Variants in SP140 observed in about 807,000 individuals in gnomAD.
SP140 encodes the protein SP140 nuclear body protein.
SP140 carries 81 observed loss-of-function variants against 125.0 expected under a neutral mutation model. That is an observed-to-expected ratio of 0.65 (90% CI 0.54 to 0.78). The LOEUF (loss-of-function observed/expected upper bound fraction) is 0.78. SP140 is among the 30% of genes least tolerant of loss of function. The pLI, the probability that SP140 is intolerant of heterozygous loss-of-function variation, is 0.00. For synonymous variants in SP140, 312 were observed against 354.0 expected (o/e 0.88, Z 1.33); for missense variants, 858 against 1,037.0 (o/e 0.83, Z 2.37).
At chr2:230,224,470 G>T (rs369755319), upstream of SP140, among the ~76,000 whole-genome samples, 1 of 141,946 alleles carries the variant, frequency 7.0e-6, no homozygotes, top group South Asian at 2.1e-4. Context: ...GGAGGGAGAG[G>T]GAGGGAGAGA....
At chr2:230,268,266 A>G (rs937531769) in intron 12 of SP140, among the ~76,000 whole-genome samples, 3 of 152,106 alleles carry the variant, frequency 2.0e-5, no homozygotes, top group African/African-American at 7.2e-5. Context: ...GCTCATGCCT[A>G]TAATCCCAGC....
chr2:230,259,911 A>C (rs1253069039), intron 12 of SP140, among the ~76,000 whole-genome samples: 4 of 151,892 alleles, frequency 2.6e-5, no homozygotes, highest in African/African-American at 9.7e-5. Context: ...ATGCATGTGC[A>C]AGTATCTTTT....
At chr2:230,218,747 A>G (rs1352905085) in intron 3 of SP140, among the ~76,000 whole-genome samples, 1 of 152,236 alleles carries the variant, frequency 6.6e-6, no homozygotes, top group Non-Finnish European at 1.5e-5. Flanking sequence ...TTTCTATGCA[A>G]GATACTACAT....
At chr2:230,288,656 T>A (rs1457658259) in intron 18 of SP140, among the ~76,000 whole-genome samples, 1 of 152,090 alleles carries the variant, frequency 6.6e-6, no homozygotes, top group African/African-American at 2.4e-5. Flanking sequence ...GTGTGTGATG[T>A]TCTGTCCCTG....
intron 1 of SP140, among the ~76,000 whole-genome samples, chr2:230,206,000 G>C (rs977939239): frequency 6.6e-6 from 1 of 152,140 alleles, no homozygotes; most frequent in Non-Finnish European, 1.5e-5. Flanking sequence ...GAATGGGGGA[G>C]AAAGCAGCTT....
chr2:230,202,608 G>A (rs752428563), upstream of SP140: 3 of 1,614,050 alleles, frequency 1.9e-6, no homozygotes, highest in Middle Eastern at 1.6e-4. Context: ...GGCACATTCA[G>A]TTCTCGCCTT....
At chr2:230,186,282 A>G in the SP140 span, 1 of 787,752 alleles carries the variant, frequency 1.3e-6, no homozygotes, top group African/African-American at 1.8e-5. Context: ...CAGACTCATA[A>G]TACTTCCTTC....
At chr2:230,261,863 T>A (rs1361154592) in intron 12 of SP140, among the ~76,000 whole-genome samples, 1 of 152,240 alleles carries the variant, frequency 6.6e-6, no homozygotes, top group Non-Finnish European at 1.5e-5. Context: ...GCAAGTATTT[T>A]GTTAAGGATT....
chr2:230,233,667 C>T (rs1461972120), intron 1 of SP140, among the ~76,000 whole-genome samples: 2 of 152,014 alleles, frequency 1.3e-5, no homozygotes, highest in Non-Finnish European at 2.9e-5. Context: ...GAATTTATTA[C>T]CCGTGAATAT....
intron 12 of SP140, among the ~76,000 whole-genome samples, chr2:230,264,936 T>G (rs1188343268): frequency 6.6e-6 from 1 of 152,202 alleles, no homozygotes; most frequent in Non-Finnish European, 1.5e-5. Context: ...ATTTTTGTGC[T>G]GGTTGGCCTC....
Position 230,285,433 on chromosome 2 carries a change from G to A in SP140, c.1565-319G>A, listed in dbSNP as rs530056626. Among the ~76,000 whole-genome samples the A allele has an allele frequency of 1.9e-4, 29 of 152,304 alleles. No homozygotes were observed. The East Asian group carries it at 4.6e-3, about 24-fold the overall frequency. Reference sequence around the variant, plus strand: ...TTTGGAAAGAAAAAAAAGTGGCTGCGTGCATTTTAAGAATGGCTGTTTTCA... The same window carrying A: ...TTTGGAAAGAAAAAAAAGTGGCTGCATGCATTTTAAGAATGGCTGTTTTCA... On this transcript the variant is annotated intron_variant, in intron 16 of 26. Coordinates refer to ENST00000392045, the MANE Select transcript of SP140 (RefSeq NM_007237.5).
chr2:230,279,773 C>T lies in SP140; in HGVS notation c.1499-4573C>T, dbSNP rs377291316. Among the ~76,000 whole-genome samples, 26 of 152,208 alleles carry T rather than the reference C, an allele frequency of 1.7e-4. 1 individual carries two copies. The highest frequency in any genetic ancestry group is 1.5e-3 in the East Asian group (8 of 5,186). On this transcript the variant is annotated intron_variant, in intron 15 of 26. Transcript: ENST00000392045. ...CTCTCCATTCTCTGGTTCTCGACAA[C>T]AGCTGATCTGTTTTTTGCTAGTTTG...
chr2:230,273,637 A>G lies in SP140; in HGVS notation c.1498+2998A>G, dbSNP rs529577433. Among the ~76,000 whole-genome samples, 4 of 152,346 alleles carry G rather than the reference A, an allele frequency of 2.6e-5. No individual in the cohort carries two copies. The East Asian group carries it at 5.8e-4, about 22-fold the overall frequency. On this transcript the variant is annotated intron_variant, in intron 15 of 26. Coordinates refer to ENST00000392045, the MANE Select transcript of SP140 (RefSeq NM_007237.5). The stretch of plus-strand genomic sequence containing the variant: ...ATATAAATCATTCTATTATAAAGAC[A>G]TATGCACATGTATGCTTATCTCAGC...
intron 23 of SP140, 172 bp downstream of exon 23, chr2:230,310,211 G>A (rs955284509): frequency 6.4e-6 from 4 of 627,636 alleles, no homozygotes; most frequent in Middle Eastern, 4.0e-4. Context: ...GGCAGCAGGA[G>A]GTTAATGTCC....
intron 15 of SP140, among the ~76,000 whole-genome samples, chr2:230,277,374 TTAAGA>T (rs1366715430): frequency 6.6e-6 from 1 of 152,162 alleles, no homozygotes; most frequent in Non-Finnish European, 1.5e-5. Flanking sequence ...TAAAGTATGT[TTAAGA>T]TATGTTCATT....
At chr2:230,250,098 T>C (rs1002036713) in intron 9 of SP140, among the ~76,000 whole-genome samples, 1 of 152,212 alleles carries the variant, frequency 6.6e-6, no homozygotes, top group Non-Finnish European at 1.5e-5. Context: ...CCTCCGAACC[T>C]AGAAACTCCC....
In SP140 at chr2:230,206,595, TTATATATATATATATATATATATATA is replaced by T. The variant is rs56817002; in HGVS notation, c.-323+3334_-323+3359del. Among the ~76,000 whole-genome samples, 57 of 70,530 alleles carry T rather than the reference TTATATATATATATATATATATATATA, an allele frequency of 8.1e-4. 3 individuals are homozygous for T. The highest frequency in any genetic ancestry group is 7.7e-3 in the Admixed American group (44 of 5,692). The allele number at this position is 70,530 out of a possible 152,430, so 46.3% of individuals were successfully genotyped here. On this transcript the variant is annotated intron_variant, in intron 1 of 4. Coordinates refer to the SP140 transcript ENST00000456542. ...TATTATATATTATCTGGTCCAGATT[TTATATATATATATATATATATATATA>T]TATATATATATATATATGGACCACA...
intron 11 of SP140, among the ~76,000 whole-genome samples, chr2:230,254,351 G>A (rs931673034): frequency 1.3e-5 from 2 of 152,312 alleles, no homozygotes; most frequent in South Asian, 2.1e-4. Context: ...TCTAGGTAGA[G>A]AGTGACACAG....
At chr2:230,308,399 T>A (rs1559375807) in intron 22 of SP140, among the ~76,000 whole-genome samples, 3 of 152,222 alleles carry the variant, frequency 2.0e-5, no homozygotes, top group South Asian at 4.1e-4. Flanking sequence ...AATAATTTTT[T>A]AAAAAGATTA....
Sources: allele counts gnomAD v4.1 joint callset (sites outside exome capture counted in the v4.1 genomes callset), GRCh38; gene constraint gnomAD v4.1.1; transcripts MANE v1.5; gene names NCBI Gene and HGNC (gene_info 2026-07-23, HGNC 2026-07-21).